Variants in TXLNB observed in about 807,000 individuals in gnomAD.
TXLNB encodes the protein taxilin beta.
TXLNB carries 37 observed loss-of-function variants against 57.4 expected under a neutral mutation model. The ratio of observed to expected loss-of-function variants is 0.64; its 90% CI spans 0.50 to 0.85. The LOEUF (loss-of-function observed/expected upper bound fraction) is 0.85. Among genes scored for constraint, TXLNB ranks in the 40% least tolerant of loss-of-function variants. The pLI is 0.00. For missense variants in TXLNB, 848 were observed against 825.6 expected (o/e 1.03, Z -0.33); for synonymous variants, 302 against 309.6 (o/e 0.98, Z 0.26).
chr6:139,224,906 A>G, the TXLNB span, among the ~76,000 whole-genome samples: 1 of 152,170 alleles, frequency 6.6e-6, no homozygotes, highest in East Asian at 1.9e-4. Context: ...AATTACAAAG[A>G]ATCTCTCCCA....
the TXLNB span, among the ~76,000 whole-genome samples, chr6:139,312,791 G>A: frequency 2.6e-5 from 4 of 152,204 alleles, no homozygotes; most frequent in African/African-American, 9.6e-5. Flanking sequence ...AAATATCCAT[G>A]TGAGGGTTTC....
chr6:139,174,701 A>G, the TXLNB span: 1 of 984,638 alleles, frequency 1.0e-6, no homozygotes, highest in African/African-American at 1.6e-5. Context: ...CTATTCAGTC[A>G]TTAAAAGGAA....
chr6:139,248,383 C>G (rs1436779189), intron 7 of TXLNB, among the ~76,000 whole-genome samples: 1 of 151,660 alleles, frequency 6.6e-6, no homozygotes, highest in Non-Finnish European at 1.5e-5. Flanking sequence ...GTAATCCCAG[C>G]TACTTGGGAT....
the TXLNB span, among the ~76,000 whole-genome samples, chr6:139,229,112 T>C: frequency 6.6e-6 from 1 of 152,172 alleles, no homozygotes; most frequent in Non-Finnish European, 1.5e-5. Flanking sequence ...ATAATTTTTA[T>C]TTTTGCACAT....
At chr6:139,208,173 G>A in the TXLNB span, among the ~76,000 whole-genome samples, 1 of 152,120 alleles carries the variant, frequency 6.6e-6, no homozygotes, top group African/African-American at 2.4e-5. Context: ...ACACCTTTAT[G>A]TACACAAACT....
chr6:139,172,441 T>C, the TXLNB span, among the ~76,000 whole-genome samples: 1 of 152,172 alleles, frequency 6.6e-6, no homozygotes, highest in Non-Finnish European at 1.5e-5. Context: ...CCCCGGACCC[T>C]GTCTCTGGAC....
the TXLNB span, among the ~76,000 whole-genome samples, chr6:139,218,409 G>T: frequency 6.6e-6 from 1 of 152,088 alleles, no homozygotes; most frequent in African/African-American, 2.4e-5. Flanking sequence ...CCAAGAGGAA[G>T]GCCAAGCAGA....
intron 7 of TXLNB, among the ~76,000 whole-genome samples, chr6:139,254,567 C>G (rs927871011): frequency 6.6e-6 from 1 of 152,138 alleles, no homozygotes; most frequent in African/African-American, 2.4e-5. Context: ...ACAGGCAGAG[C>G]CCCAGGTAGG....
the TXLNB span, among the ~76,000 whole-genome samples, chr6:139,216,881 G>A: frequency 6.6e-6 from 1 of 152,152 alleles, no homozygotes; most frequent in Non-Finnish European, 1.5e-5. Context: ...GTTGGAGGGG[G>A]TTAGGGATGA....
At chr6:139,317,925 CAGA>C in the TXLNB span, among the ~76,000 whole-genome samples, 1 of 151,790 alleles carries the variant, frequency 6.6e-6, no homozygotes, top group Admixed American at 6.6e-5. Context: ...ATTTAAAAAA[CAGA>C]AGAAAAGATC....
chr6:139,230,115 T>C, the TXLNB span, among the ~76,000 whole-genome samples: 1 of 152,230 alleles, frequency 6.6e-6, no homozygotes, highest in African/African-American at 2.4e-5. Context: ...CTCCTTCCTC[T>C]TGGTATTGCT....
chr6:139,187,518 A>ATT, the TXLNB span, among the ~76,000 whole-genome samples: 17 of 150,818 alleles, frequency 1.1e-4, no homozygotes, highest in African/African-American at 3.9e-4. Context: ...TCAAAACAGT[A>ATT]TTTTTTTTTT....
At chr6:139,317,671 G>A in the TXLNB span, among the ~76,000 whole-genome samples, 10 of 152,076 alleles carry the variant, frequency 6.6e-5, no homozygotes, top group Admixed American at 1.3e-4. Context: ...GATTACAGGC[G>A]TGAGCCACCA....
chr6:139,175,412 A>G, the TXLNB span, among the ~76,000 whole-genome samples: 1 of 152,292 alleles, frequency 6.6e-6, no homozygotes, highest in South Asian at 2.1e-4. Flanking sequence ...ATTTTTGTAA[A>G]GAGAGTATCT....
chr6:139,204,641 G>A, the TXLNB span, among the ~76,000 whole-genome samples: 1 of 152,144 alleles, frequency 6.6e-6, no homozygotes, highest in Non-Finnish European at 1.5e-5. Flanking sequence ...TAGGCACCTG[G>A]CATTGTGGGC....
chr6:139,184,166 A>C, the TXLNB span, among the ~76,000 whole-genome samples: 2 of 152,252 alleles, frequency 1.3e-5, no homozygotes, highest in Non-Finnish European at 2.9e-5. Context: ...TGGAAGGAGA[A>C]GTGTCTGGAC....
At chr6:139,237,626 T>C (rs1267952944), downstream of TXLNB, 1 of 152,158 alleles carries the variant, frequency 6.6e-6, no homozygotes, top group African/African-American at 2.4e-5. Context: ...TTGAAAATAT[T>C]TCCTTTTCCT....
chr6:139,200,990 C>T, the TXLNB span, among the ~76,000 whole-genome samples: 18,643 of 152,036 alleles, frequency 0.12, 1,431 homozygotes, highest in East Asian at 0.22. Context: ...AATCATTTTT[C>T]CTCCCCTATT....
At chr6:139,162,947 C>T in the TXLNB span, among the ~76,000 whole-genome samples, 1 of 152,182 alleles carries the variant, frequency 6.6e-6, no homozygotes, top group Non-Finnish European at 1.5e-5. Context: ...TGCTCTTTCC[C>T]TGCCCTACAG....
Sources: gnomAD v4.1 joint callset for allele counts (sites outside exome capture counted in the v4.1 genomes callset) on GRCh38, gnomAD v4.1.1 for gene constraint, MANE v1.5 for transcripts, NCBI Gene and HGNC (gene_info 2026-07-23, HGNC 2026-07-21) for gene names.